Variants in MTHFS observed in about 807,000 individuals in gnomAD.
MTHFS encodes the protein 5-formyltetrahydrofolate cyclo-ligase.
In MTHFS, 7 loss-of-function variants were observed where a neutral mutation model predicts 12.7. The observed-to-expected ratio is 0.55, with a 90% CI of 0.31 to 1.03. MTHFS has a LOEUF of 1.03. MTHFS is among the 50% of genes least tolerant of loss of function. The pLI is 0.05. For missense variants in MTHFS, 252 were observed against 258.1 expected (o/e 0.98, Z 0.16); for synonymous variants, 100 against 97.1 (o/e 1.03, Z -0.18).
chr15:79,895,146 A>G (rs1265891728), intron 1 of MTHFS, among the ~76,000 whole-genome samples: 1 of 152,242 alleles, frequency 6.6e-6, no homozygotes, highest in Non-Finnish European at 1.5e-5. Flanking sequence ...GACCTGTCCA[A>G]GGATATACAG....
At chr15:79,891,330 A>C (rs1315173084) in intron 1 of MTHFS, among the ~76,000 whole-genome samples, 2 of 152,232 alleles carry the variant, frequency 1.3e-5, no homozygotes, top group Non-Finnish European at 2.9e-5. Flanking sequence ...GTCAAAATAC[A>C]AAATAGAAGG....
intron 2 of MTHFS, among the ~76,000 whole-genome samples, chr15:79,880,679 T>G (rs1405512980): frequency 6.6e-6 from 1 of 151,858 alleles, no homozygotes; most frequent in Non-Finnish European, 1.5e-5. Context: ...GAAAGTTACA[T>G]GAAGCCATAA....
chr15:79,853,336 G>A (rs2033746628), intron 2 of MTHFS, among the ~76,000 whole-genome samples: 1 of 152,170 alleles, frequency 6.6e-6, no homozygotes, highest in South Asian at 2.1e-4. Context: ...AGGCAGTCCT[G>A]CACAGCAGTT....
chr15:79,851,993 T>A (rs912730997), intron 2 of MTHFS, among the ~76,000 whole-genome samples: 3 of 152,176 alleles, frequency 2.0e-5, no homozygotes, highest in Non-Finnish European at 2.9e-5. Flanking sequence ...ATAAGCATAT[T>A]ATGATGTAAA....
At chr15:79,862,875 A>G (rs2033942037) in intron 2 of MTHFS, among the ~76,000 whole-genome samples, 1 of 152,140 alleles carries the variant, frequency 6.6e-6, no homozygotes, top group Admixed American at 6.5e-5. Context: ...AGCCACTAAG[A>G]TCCCTGTTTG....
At chr15:79,885,540 G>A (rs1031690955) in intron 2 of MTHFS, among the ~76,000 whole-genome samples, 2 of 152,178 alleles carry the variant, frequency 1.3e-5, no homozygotes, top group African/African-American at 2.4e-5. Flanking sequence ...GCCGAGCTGG[G>A]CATATGACCT....
chr15:79,844,771 A>G lies in MTHFS; in HGVS notation c.*439T>C, dbSNP rs1164164536. Among the ~76,000 whole-genome samples the G allele has an allele frequency of 6.6e-6, 1 of 152,244 alleles. No individual in the cohort carries two copies. The highest frequency in any genetic ancestry group is 1.9e-4 in the East Asian group (1 of 5,200). ...TATTCTTAGGGAATTCTGTATCCAA[A>G]GCAAATACCAACAAATAAATTAATA... is the stretch of plus-strand genomic sequence containing the variant. On this transcript the variant is annotated 3_prime_UTR_variant, in exon 3 of 3. Coordinates refer to ENST00000258874, the MANE Select transcript of MTHFS (RefSeq NM_006441.4).
chr15:79,864,547 CAAA>C (rs58698908), intron 2 of MTHFS, among the ~76,000 whole-genome samples: 541 of 64,240 alleles, frequency 8.4e-3, no homozygotes, highest in East Asian at 0.051. Context: ...TCCATCTCAA[CAAA>C]AAAAAAAAAA....
chr15:79,874,498 A>C (rs2034156026), intron 2 of MTHFS, among the ~76,000 whole-genome samples: 2 of 152,110 alleles, frequency 1.3e-5, no homozygotes, highest in Admixed American at 1.3e-4. Context: ...TTCCCTGAAA[A>C]GGTGCATTGT....
At chr15:79,891,472 G>A (rs927242589) in intron 1 of MTHFS, among the ~76,000 whole-genome samples, 6 of 152,134 alleles carry the variant, frequency 3.9e-5, no homozygotes, top group Non-Finnish European at 7.3e-5. Flanking sequence ...ACTGCTATGG[G>A]GAGGAAGCAA....
intron 2 of MTHFS, among the ~76,000 whole-genome samples, chr15:79,879,385 T>C (rs973550368): frequency 7.2e-6 from 1 of 138,786 alleles, no homozygotes; most frequent in East Asian, 2.3e-4. Flanking sequence ...TGGAGTCCAA[T>C]GGTGTGATCT....
rs767432688 is a variant in MTHFS at position 79,896,983 on chromosome 15, C to G, written c.6G>C (p.Ala2=). The G allele has an allele frequency of 1.3e-6, 2 of 1,528,720 alleles. No homozygotes were observed. Among genetic ancestry groups the G allele is most frequent in the Non-Finnish European group, 1.7e-6 (2 of 1,143,732 alleles). 94.7% of individuals were successfully genotyped at this position (1,528,720 alleles called of 1,614,324 possible). M[A]AAAVSSAKRS... The stretch of plus-strand genomic sequence containing the variant: ...GCTTGGCGCTGCTCACCGCTGCCGC[C>G]GCCATCTCACGCCCAAGCCGAGTCC... The change falls in exon 1 of 3, where the codon GCG becomes GCC. Residue 2 remains alanine (A), a synonymous_variant. Transcript: ENST00000258874.
chr15:79,856,850 C>T (rs1434751762), intron 2 of MTHFS, among the ~76,000 whole-genome samples: 1 of 152,092 alleles, frequency 6.6e-6, no homozygotes. Context: ...CCTATGCTCA[C>T]ATTCATGTGA....
At chr15:79,880,799 A>AC (rs2034284124) in intron 2 of MTHFS, among the ~76,000 whole-genome samples, 4 of 144,992 alleles carry the variant, frequency 2.8e-5, no homozygotes, top group Middle Eastern at 3.6e-3. Context: ...AGCAAAAAAA[A>AC]AAAACAAACA....
intron 2 of MTHFS, among the ~76,000 whole-genome samples, chr15:79,845,702 T>A (rs2033601605): frequency 6.6e-6 from 1 of 152,220 alleles, no homozygotes; most frequent in Non-Finnish European, 1.5e-5. Context: ...GCCTCATTCA[T>A]AACTAGTTAA....
intron 2 of MTHFS, among the ~76,000 whole-genome samples, chr15:79,859,142 T>C (rs1306946203): frequency 3.9e-5 from 6 of 152,210 alleles, no homozygotes; most frequent in African/African-American, 1.4e-4. Context: ...AGAAATCCAT[T>C]TCCCCCAAAT....
At chr15:79,887,667 T>C (rs2034404607) in intron 2 of MTHFS, among the ~76,000 whole-genome samples, 2 of 152,218 alleles carry the variant, frequency 1.3e-5, no homozygotes, top group Admixed American at 6.5e-5. Flanking sequence ...TCCTGTCTTT[T>C]CTTCTCGATA....
At chr15:79,858,647 G>A (rs1266248701) in intron 2 of MTHFS, among the ~76,000 whole-genome samples, 1 of 151,984 alleles carries the variant, frequency 6.6e-6, no homozygotes, top group African/African-American at 2.4e-5. Flanking sequence ...CTGTCTCTGT[G>A]GACTAACAAT....
chr15:79,896,305 T>A (rs867665428), intron 1 of MTHFS, among the ~76,000 whole-genome samples: 1 of 152,220 alleles, frequency 6.6e-6, no homozygotes, highest in Non-Finnish European at 1.5e-5. Flanking sequence ...TAGCCCTCCA[T>A]ATGCTTAGTG....
Sources: gnomAD v4.1 joint callset for allele counts (sites outside exome capture counted in the v4.1 genomes callset) on GRCh38, gnomAD v4.1.1 for gene constraint, MANE v1.5 for transcripts, NCBI Gene and HGNC (gene_info 2026-07-23, HGNC 2026-07-21) for gene names.